Variants in STX6 observed in about 807,000 individuals in gnomAD.
STX6 encodes the protein syntaxin 6.
In STX6, 23 loss-of-function variants were observed where a neutral mutation model predicts 38.0. That is an observed-to-expected ratio of 0.60 (90% CI 0.43 to 0.86). STX6 has a LOEUF of 0.86. Ranked by LOEUF, STX6 falls within the 40% of genes least tolerant of loss-of-function variation. STX6 has a pLI of 0.00. For missense variants in STX6, 274 were observed against 312.9 expected (o/e 0.88, Z 0.94); for synonymous variants, 123 against 107.5 (o/e 1.14, Z -0.89).
chr1:180,986,320 T>G (rs1048469684), intron 6 of STX6, among the ~76,000 whole-genome samples: 1 of 102,904 alleles, frequency 9.7e-6, no homozygotes, highest in Admixed American at 1.1e-4. Flanking sequence ...TAGTTTAATA[T>G]AGCCAAAATA....
chr1:181,002,947 C>T (rs1184809106), intron 2 of STX6, among the ~76,000 whole-genome samples: 1 of 152,220 alleles, frequency 6.6e-6, no homozygotes, highest in East Asian at 1.9e-4. Context: ...AGCTTCACTG[C>T]AAACACTTAG....
In STX6 at chr1:180,986,307, ATTTAG is replaced by A. The variant is rs1202844266; in HGVS notation, c.597-1541_597-1537del. Among the ~76,000 whole-genome samples the A allele has an allele frequency of 5.8e-5, 7 of 121,174 alleles. No individual in the cohort carries two copies. The Admixed American group carries it at 6.3e-4, about 11-fold the overall frequency. 79.5% of individuals were successfully genotyped at this position (121,174 alleles called of 152,430 possible). ...AAACAGGTGAAATTAATTCTGTTGT[ATTTAG>A]TTTAATATAGCCAAAATACTGTAAT... On this transcript the variant is annotated intron_variant, in intron 6 of 7. Coordinates refer to ENST00000258301, the MANE Select transcript of STX6 (RefSeq NM_005819.6).
At chr1:181,005,071 A>ATG (rs984872162) in intron 2 of STX6, 2 of 260,390 alleles carry the variant, frequency 7.7e-6, no homozygotes, top group African/African-American at 4.6e-5. Context: ...CTTTATATAT[A>ATG]TATATACATT....
chr1:180,988,388 T>C lies in STX6; in HGVS notation c.490-43A>G, dbSNP rs370714854. On this transcript the variant is annotated intron_variant, in intron 5 of 7. Transcript: ENST00000258301. ...GGAAATAAGCAATTAAAATCCATCT[T>C]ACCTGGTTCCAAGCCCAGCACTCTA... 2.1e-4 allele frequency: 314 copies of C among 1,508,712 alleles called. No individual in the cohort carries two copies. The African/African-American group carries it at 3.8e-3, about 18-fold the overall frequency. 93.5% of individuals were successfully genotyped at this position (1,508,712 alleles called of 1,614,324 possible).
intron 1 of STX6, among the ~76,000 whole-genome samples, chr1:181,017,810 G>A (rs373925457): frequency 3.3e-5 from 5 of 152,258 alleles, no homozygotes; most frequent in African/African-American, 1.2e-4. Flanking sequence ...AACACTTTGA[G>A]GGGCAAGGGG....
At chr1:180,988,506 A>G in intron 5 of STX6, 161 bp from the exon 6 acceptor site, 1 of 581,580 alleles carries the variant, frequency 1.7e-6, no homozygotes, top group Admixed American at 2.7e-5. Flanking sequence ...CTGAGAACAC[A>G]CTGCTCAAAA....
At chr1:180,978,431 C>T (rs1655312553) in intron 7 of STX6, among the ~76,000 whole-genome samples, 1 of 152,162 alleles carries the variant, frequency 6.6e-6, no homozygotes, top group Non-Finnish European at 1.5e-5. Flanking sequence ...TCAGTGTGGA[C>T]AAGTCTGAGA....
At chr1:181,002,788 A>G in intron 2 of STX6, 88 bp from the exon 3 acceptor site, 1 of 890,660 alleles carries the variant, frequency 1.1e-6, no homozygotes, top group Non-Finnish European at 1.8e-6. Flanking sequence ...ATGCAAACAA[A>G]TAAAATCTGG....
chr1:180,989,914 G>C (rs1655703714), intron 5 of STX6, 70 bp downstream of exon 5: 1 of 1,581,744 alleles, frequency 6.3e-7, no homozygotes, highest in African/African-American at 1.3e-5. Flanking sequence ...AGACCCCATG[G>C]CTGGCAAAGG....
Position 181,022,863 on chromosome 1 carries a change from G to A in STX6, c.-190C>T. ...GTCCAGCACTCGCTCAGCACCACTGGCCGAATCCCGGACTCGGGCGCCGGC... is the reference window on the plus strand; with the variant it reads ...GTCCAGCACTCGCTCAGCACCACTGACCGAATCCCGGACTCGGGCGCCGGC... On this transcript the variant is annotated 5_prime_UTR_variant, in exon 1 of 8. Coordinates refer to ENST00000258301, the MANE Select transcript of STX6 (RefSeq NM_005819.6). 3.6e-6 allele frequency: 2 copies of A among 562,628 alleles called. No individual in the cohort carries two copies. Among genetic ancestry groups the A allele is most frequent in the African/African-American group, 4.0e-5 (2 of 49,868 alleles). The allele number at this position is 562,628 out of a possible 1,614,324, so 34.9% of individuals were successfully genotyped here.
intron 1 of STX6, among the ~76,000 whole-genome samples, chr1:181,012,029 A>G (rs1656416522): frequency 6.6e-6 from 1 of 152,244 alleles, no homozygotes; most frequent in African/African-American, 2.4e-5. Context: ...ATGTAATCAG[A>G]AAAATTAAAG....
chr1:180,975,306 T>TA lies in STX6; in HGVS notation c.*1263dup. 1 of 152,756 alleles carries TA rather than the reference T, an allele frequency of 6.5e-6. No homozygotes were observed. Among genetic ancestry groups the TA allele is most frequent in the East Asian group, 1.9e-4 (1 of 5,196 alleles). The allele number at this position is 152,756 out of a possible 1,614,324, so 9.5% of individuals were successfully genotyped here. On this transcript the variant is annotated 3_prime_UTR_variant, in exon 8 of 8. Coordinates refer to ENST00000258301, the MANE Select transcript of STX6 (RefSeq NM_005819.6). ...ATCAGATTATTCATCAGGGAAGTTA[T>TA]AAAAATATCCTATATACATGTGCAC... is the stretch of plus-strand genomic sequence containing the variant.
chr1:180,979,049 A>T (rs1031328733), intron 7 of STX6, among the ~76,000 whole-genome samples: 11 of 152,262 alleles, frequency 7.2e-5, no homozygotes, highest in Non-Finnish European at 1.3e-4. Flanking sequence ...ACAGGCTTTA[A>T]TGGAAAAAGT....
intron 6 of STX6, among the ~76,000 whole-genome samples, chr1:180,985,898 T>C: frequency 6.6e-6 from 1 of 152,214 alleles, no homozygotes; most frequent in East Asian, 1.9e-4. Context: ...CCTTGCAGGA[T>C]TCAGGGCAAC....
chr1:180,998,836 A>T (rs2102316397), intron 3 of STX6, among the ~76,000 whole-genome samples: 1 of 152,356 alleles, frequency 6.6e-6, no homozygotes, highest in African/African-American at 2.4e-5. Context: ...ATAATTACTC[A>T]TCTTCTTTCT....
chr1:181,002,813 A>T (rs904516387), intron 2 of STX6, 113 bp from the exon 3 acceptor site: 21 of 682,512 alleles, frequency 3.1e-5, no homozygotes, highest in Admixed American at 2.4e-5. Context: ...AACTTTCTGA[A>T]AACACAGTCA....
intron 7 of STX6, 132 bp downstream of exon 7, chr1:180,984,545 T>C (rs931184497): frequency 6.8e-6 from 3 of 440,386 alleles, no homozygotes; most frequent in African/African-American, 6.1e-5. Flanking sequence ...TGAGACTCTG[T>C]CTCAAAAAAA....
At chr1:181,002,997 C>T (rs1358688111) in intron 2 of STX6, among the ~76,000 whole-genome samples, 3 of 152,200 alleles carry the variant, frequency 2.0e-5, no homozygotes, top group Admixed American at 6.5e-5. Context: ...TTCCTGTTTG[C>T]CAACACTTGT....
chr1:181,015,670 CTTT>C (rs879761357), intron 1 of STX6, among the ~76,000 whole-genome samples: 6 of 142,488 alleles, frequency 4.2e-5, no homozygotes, highest in African/African-American at 1.3e-4. Flanking sequence ...CCACACAAAT[CTTT>C]TTTTTTTTTT....
Sources: allele counts gnomAD v4.1 joint callset (sites outside exome capture counted in the v4.1 genomes callset), GRCh38; gene constraint gnomAD v4.1.1; transcripts MANE v1.5; gene names NCBI Gene and HGNC (gene_info 2026-07-23, HGNC 2026-07-21).